CHD5: variants seen among roughly 807,000 people sequenced by gnomAD.
The protein encoded by CHD5 is ATP-dependent chromatin remodeler CHD5.
In CHD5, 69 loss-of-function variants were observed where a neutral mutation model predicts 230.3. That is an observed-to-expected ratio of 0.30 (90% CI 0.25 to 0.37). CHD5 has a LOEUF of 0.37. CHD5 is among the 10% of genes least tolerant of loss of function. The pLI is 1.00. For missense variants in CHD5, 1,827 were observed against 2,622.8 expected, an observed-to-expected ratio of 0.70 and a Z score of 6.63; for synonymous variants, 1,064 against 1,065.9, an observed-to-expected ratio of 1.00 and a Z score of 0.03.
At position 6,110,325 on chromosome 1, in the gene CHD5, C is replaced by T. The variant is rs1407062511; in HGVS notation, c.5382+69G>A. ...GGGTTGCTGCTCTCTAATTCCTTTG[C>T]CTTTGCGAGGGTCCTCCTGACACCG... On this transcript the variant is annotated intron_variant, in intron 37 of 41. Transcript: ENST00000262450. 7 of 1,585,226 alleles carry T rather than the reference C, an allele frequency of 4.4e-6. No homozygotes were observed. The East Asian group carries it at 1.3e-4, about 31-fold the overall frequency.
intron 38 of CHD5, among the ~76,000 whole-genome samples, chr1:6,109,008 C>T (rs534491667): frequency 2.7e-4 from 41 of 152,062 alleles, no homozygotes; most frequent in African/African-American, 8.2e-4. Context: ...TGCCCAGAAC[C>T]GGGCACCAGG....
Position 6,110,489 on chromosome 1 carries a change from G to A in CHD5, c.5287C>T (p.Pro1763Ser). 6.2e-7 allele frequency: 1 copy of A among 1,613,986 alleles called. No homozygotes were observed. The highest frequency in any genetic ancestry group is 8.5e-7 in the Non-Finnish European group (1 of 1,180,010). The change falls in exon 37 of 42, where the codon CCA becomes TCA. Residue 1763 changes from proline to serine, a missense_variant. By Grantham distance (74) the Pro-to-Ser change is moderately conservative. Around this residue, in one of 14 missense-constraint regions of CHD5, gnomAD observed 208 missense variants for 302.0 expected, o/e 0.69. Transcript: ENST00000262450. ...YARWQDIQNDPRYMILNEPFK... is the reference protein window; with the variant it reads ...YARWQDIQNDSRYMILNEPFK... Reference sequence around the variant, plus strand: ...GGCTCGTTGAGGATCATGTACCGTGGGTCATTCTGGATGTCCTGCCAGCGG... The same window carrying A: ...GGCTCGTTGAGGATCATGTACCGTGAGTCATTCTGGATGTCCTGCCAGCGG...
intron 11 of CHD5, among the ~76,000 whole-genome samples, chr1:6,145,904 G>A (rs765614745): frequency 1.3e-5 from 2 of 152,162 alleles, no homozygotes; most frequent in South Asian, 2.1e-4. Context: ...GGCGTCCCTC[G>A]TCCTCAGAAC....
chr1:6,148,295 G>C (rs1032429264), intron 9 of CHD5, among the ~76,000 whole-genome samples: 2 of 151,882 alleles, frequency 1.3e-5, no homozygotes, highest in Non-Finnish European at 2.9e-5. Context: ...TCTTCCTGTA[G>C]AAACTGAGGC....
In CHD5 at chr1:6,128,557, G is replaced by A; in HGVS notation, c.3672C>T (p.Ser1224=). Residue 1224 remains serine (S), a synonymous_variant, in exon 24 of 42, where the codon TCC becomes TCT. Transcript: ENST00000262450. This position sits in a 1 kb window ranked among gnomAD's most constrained non-coding sequence, Gnocchi z 7.8. ...RPVTPIPDVQ[S]SKGGNLAASA... is the part of the protein sequence containing the mutation. ...TGGCGGCCAAGTTCCCCCCTTTGGA[G>A]GACTGGACATCAGGGATGGGTGTGA... is the stretch of plus-strand genomic sequence containing the variant. 6.2e-7 allele frequency: 1 copy of A among 1,614,190 alleles called. No homozygotes were observed. Among genetic ancestry groups the A allele is most frequent in the South Asian group, 1.1e-5 (1 of 91,084 alleles).
At chr1:6,110,074 G>T in intron 37 of CHD5, 84 bp from the exon 38 acceptor site, 1 of 1,264,846 alleles carries the variant, frequency 7.9e-7, no homozygotes, top group Non-Finnish European at 1.1e-6. Flanking sequence ...CCCAGGCCAA[G>T]GCTCCCGGCA....
chr1:6,157,676 G>C (rs796947388), intron 3 of CHD5, among the ~76,000 whole-genome samples: 2 of 152,144 alleles, frequency 1.3e-5, no homozygotes, highest in South Asian at 2.1e-4. Context: ...TCCTCACATG[G>C]GGCCCCCTCT....
intron 15 of CHD5, among the ~76,000 whole-genome samples, chr1:6,139,052 G>A (rs1236077364): frequency 6.6e-6 from 1 of 152,192 alleles, no homozygotes; most frequent in Non-Finnish European, 1.5e-5. Flanking sequence ...GAAGTACCCA[G>A]AGTAGTCAAC....
chr1:6,123,687 T>C (rs1435083383), intron 31 of CHD5, among the ~76,000 whole-genome samples: 2 of 60,004 alleles, frequency 3.3e-5, no homozygotes, highest in Admixed American at 4.2e-4. Context: ...CTCAGCCTCC[T>C]AAAGTGCTGT....
In CHD5 at chr1:6,179,949, C is replaced by T; in HGVS notation, c.75G>A (p.Met25Ile). The T allele has an allele frequency of 7.4e-7, 1 of 1,351,490 alleles. No individual in the cohort carries two copies. Among genetic ancestry groups the T allele is most frequent in the Non-Finnish European group, 9.7e-7 (1 of 1,035,580 alleles). The allele number at this position is 1,351,490 out of a possible 1,614,324, so 83.7% of individuals were successfully genotyped here. The change falls in exon 1 of 42, where the codon ATG becomes ATA. Residue 25 changes from methionine to isoleucine, a missense_variant. Transcript: ENST00000262450. ...FAEEMENEDE[M>I]SEEEDGGLEA... ...GCGCACCCGCGCCCCGCTCACCTGA[C>T]ATCTCGTCCTCATTCTCCATCTCCT...
Position 6,143,852 on chromosome 1 carries a change from C to A in CHD5, c.2014G>T (p.Glu672Ter). 6.3e-7 allele frequency: 1 copy of A among 1,598,868 alleles called. No homozygotes were observed. The highest frequency in any genetic ancestry group is 8.5e-7 in the Non-Finnish European group (1 of 1,171,940). ...ACAATGGGCGTGTCCGGCGGCTTCT[C>A]CTGCTTGTCGTCCCTCAGCTTCTTG... ...KGKKLRDDKQ[E>*]KPPDTPIVDP... Residue 672 changes from glutamate (E) to a stop codon, truncating the protein, a stop_gained, in exon 13 of 42, where the codon GAG becomes TAG. Transcript: ENST00000262450. LOFTEE classifies it high-confidence loss of function.
At chr1:6,127,907 G>A (rs1337795023) in intron 25 of CHD5, 139 bp downstream of exon 25, 1 of 715,674 alleles carries the variant, frequency 1.4e-6, no homozygotes, top group Non-Finnish European at 2.3e-6. Flanking sequence ...GCGGGGCTGC[G>A]GCTGGAGGGC....
intron 15 of CHD5, among the ~76,000 whole-genome samples, chr1:6,137,073 G>C (rs965840289): frequency 2.1e-4 from 26 of 125,210 alleles, no homozygotes; most frequent in Admixed American, 7.4e-4. Context: ...CCCTGAGAGA[G>C]GGTGGTGTGG....
intron 5 of CHD5, among the ~76,000 whole-genome samples, chr1:6,153,958 C>T (rs1667043597): frequency 1.3e-5 from 2 of 152,178 alleles, no homozygotes; most frequent in Admixed American, 6.5e-5. Context: ...AGAAAGCTCC[C>T]TCCCCAGGGC....
chr1:6,141,878 C>A (rs1666833598), intron 15 of CHD5, among the ~76,000 whole-genome samples: 2 of 152,164 alleles, frequency 1.3e-5, no homozygotes, highest in South Asian at 4.1e-4. Context: ...TGATTTCCAA[C>A]CTCCAGCCTC....
intron 1 of CHD5, among the ~76,000 whole-genome samples, chr1:6,177,344 C>T (rs1667442704): frequency 6.6e-6 from 1 of 152,182 alleles, no homozygotes; most frequent in Non-Finnish European, 1.5e-5. Flanking sequence ...GGGCTGTCTT[C>T]ACAGCCAGAA....
chr1:6,120,331 A>G (rs1049716684), intron 33 of CHD5, among the ~76,000 whole-genome samples: 5 of 152,106 alleles, frequency 3.3e-5, no homozygotes, highest in African/African-American at 1.2e-4. Context: ...AGAAATCACT[A>G]ATAAAAAAGT....
chr1:6,125,347 G>C lies in CHD5; in HGVS notation c.4261-114C>G. On this transcript the variant is annotated intron_variant, in intron 28 of 41. Transcript: ENST00000262450. This position sits in a 1 kb window ranked among gnomAD's most constrained non-coding sequence, Gnocchi z 6.7. Reference sequence around the variant, plus strand: ...GAGGAGAAGGTAGGAAGGGGGCACAGAGAAGGCAGGGGCCTCCACCTGGGG... The same window carrying C: ...GAGGAGAAGGTAGGAAGGGGGCACACAGAAGGCAGGGGCCTCCACCTGGGG... 1 of 1,247,066 alleles carries C rather than the reference G, an allele frequency of 8.0e-7. No homozygotes were observed. The highest frequency in any genetic ancestry group is 2.5e-4 in the Middle Eastern group (1 of 4,010). 77.3% of individuals were successfully genotyped at this position (1,247,066 alleles called of 1,614,324 possible).
chr1:6,155,547 G>A lies in CHD5; in HGVS notation c.506+52C>T, dbSNP rs1474780223. ...ACTCCTCTGCCTCCCTCCCGACTTG[G>A]TACCACCAGAGGATGTGCGGGCCTG... On this transcript the variant is annotated intron_variant, in intron 4 of 41. Transcript: ENST00000262450. The surrounding 1 kb of genome is among the most constrained non-coding windows in gnomAD (Gnocchi z 4.0). The A allele has an allele frequency of 6.7e-7, 1 of 1,489,314 alleles. No individual in the cohort carries two copies. Among genetic ancestry groups the A allele is most frequent in the African/African-American group, 1.4e-5 (1 of 72,052 alleles). The allele number at this position is 1,489,314 out of a possible 1,614,324, so 92.3% of individuals were successfully genotyped here. A position where few individuals can be genotyped will look rare whatever the true frequency, so the allele number is the denominator to read the frequency against.
Sources: allele counts gnomAD v4.1 joint callset (sites outside exome capture counted in the v4.1 genomes callset), GRCh38; gene constraint gnomAD v4.1.1; regional missense constraint gnomAD v4.1.1; non-coding constraint Gnocchi (gnomAD v3.1); transcripts MANE v1.5; gene names NCBI Gene and HGNC (gene_info 2026-07-23, HGNC 2026-07-21).